Variants in CNTN5 observed in about 807,000 individuals in gnomAD.
CNTN5 encodes contactin-5.
Under a neutral mutation model 129.1 loss-of-function variants are expected in CNTN5, and 77 were observed. The ratio of observed to expected loss-of-function variants is 0.60; its 90% CI spans 0.50 to 0.72. The LOEUF is 0.72. Ranked by LOEUF, CNTN5 falls within the 30% of genes least tolerant of loss-of-function variation. The pLI is 0.00. For synonymous variants in CNTN5, 509 were observed against 465.6 expected (o/e 1.09, Z -1.20); for missense variants, 1,478 against 1,328.8 (o/e 1.11, Z -1.75).
intron 1 of CNTN5, among the ~76,000 whole-genome samples, chr11:99,037,685 A>G (rs115301278): frequency 0.018 from 2,696 of 148,860 alleles, 75 homozygotes; most frequent in African/African-American, 0.062. Context: ...GGTTCAAGCA[A>G]TTCTCTGCCT....
intron 2 of CNTN5, among the ~76,000 whole-genome samples, chr11:99,369,545 A>G (rs920907848): frequency 1.3e-5 from 2 of 151,922 alleles, no homozygotes; most frequent in African/African-American, 2.4e-5. Flanking sequence ...ACTCTCAATG[A>G]ATATGTATTT....
intron 1 of CNTN5, among the ~76,000 whole-genome samples, chr11:99,088,747 G>C (rs998720248): frequency 4.6e-5 from 7 of 152,132 alleles, no homozygotes; most frequent in Non-Finnish European, 1.0e-4. Context: ...AGAAATCACT[G>C]CATGTCAAGG....
Position 99,956,980 on chromosome 11 carries a change from C to G in CNTN5, c.848C>G (p.Pro283Arg), listed in dbSNP as rs529063149. Reference sequence around the variant, plus strand: ...GTGACGAATGCTAGAGTCCTTAGTCCTCCAACGCCACTCACTCTGCGTAAT... The same window carrying G: ...GTGACGAATGCTAGAGTCCTTAGTCGTCCAACGCCACTCACTCTGCGTAAT... ...NTVTNARVLS[P>R]PTPLTLRNDG... The change falls in exon 8 of 25, where the codon CCT becomes CGT. Residue 283 changes from proline to arginine, a missense_variant. By Grantham distance (103) the Pro-to-Arg change is moderately radical. Transcript: ENST00000524871. 1 of 1,613,768 alleles carries G rather than the reference C, an allele frequency of 6.2e-7. No individual in the cohort carries two copies. The highest frequency in any genetic ancestry group is 2.2e-5 in the East Asian group (1 of 44,864).
intron 18 of CNTN5, among the ~76,000 whole-genome samples, chr11:100,285,779 C>G (rs965477632): frequency 6.6e-6 from 1 of 152,212 alleles, no homozygotes; most frequent in South Asian, 2.1e-4. Context: ...GGAACAGCTC[C>G]GGTCTACAGC....
At chr11:99,098,445 C>T (rs925726000) in intron 1 of CNTN5, among the ~76,000 whole-genome samples, 3 of 151,990 alleles carry the variant, frequency 2.0e-5, no homozygotes, top group Non-Finnish European at 4.4e-5. Context: ...TAGACCACAA[C>T]ACTAGTGGCT....
intron 2 of CNTN5, among the ~76,000 whole-genome samples, chr11:99,395,819 T>C (rs1941492992): frequency 6.6e-6 from 1 of 152,004 alleles, no homozygotes; most frequent in South Asian, 2.1e-4. Flanking sequence ...CCATTGCTTG[T>C]TTTTGTCAGC....
intron 4 of CNTN5, among the ~76,000 whole-genome samples, chr11:99,841,441 T>A (rs1947487298): frequency 6.6e-6 from 1 of 151,878 alleles, no homozygotes. Context: ...TTTGCAGGAG[T>A]CTCCTCTAAG....
intron 18 of CNTN5, 57 bp downstream of exon 18, chr11:100,271,298 G>T: frequency 7.4e-7 from 1 of 1,344,332 alleles, no homozygotes; most frequent in East Asian, 2.5e-5. Context: ...TCTTGAAAGT[G>T]AGTTGAATTA....
chr11:99,753,118 G>GTTTTTT (rs1591097312), intron 3 of CNTN5, among the ~76,000 whole-genome samples: 14 of 84,788 alleles, frequency 1.7e-4, no homozygotes, highest in South Asian at 1.1e-3. Flanking sequence ...AGCCATATTT[G>GTTTTTT]CTTTTTTTTT....
chr11:99,502,704 G>A (rs1281735852), intron 2 of CNTN5, among the ~76,000 whole-genome samples: 2 of 152,106 alleles, frequency 1.3e-5, no homozygotes, highest in Non-Finnish European at 2.9e-5. Flanking sequence ...CACCCCAACA[G>A]TAACTTATTT....
At chr11:100,097,404 G>A (rs1945044342) in intron 13 of CNTN5, among the ~76,000 whole-genome samples, 1 of 151,916 alleles carries the variant, frequency 6.6e-6, no homozygotes, top group South Asian at 2.1e-4. Flanking sequence ...TTTTCCACAA[G>A]AATAAAAGAG....
At chr11:99,724,468 C>G (rs528356391) in intron 3 of CNTN5, among the ~76,000 whole-genome samples, 3 of 152,148 alleles carry the variant, frequency 2.0e-5, no homozygotes, top group Non-Finnish European at 4.4e-5. Context: ...TTATAACAGT[C>G]TTGGAGTGCT....
chr11:99,726,933 T>A (rs1216107133), intron 3 of CNTN5, among the ~76,000 whole-genome samples: 6 of 152,052 alleles, frequency 3.9e-5, no homozygotes, highest in African/African-American at 1.2e-4. Context: ...TTGAAAAAAA[T>A]TTACATAAAA....
chr11:99,801,967 C>T (rs1413433001), intron 3 of CNTN5, among the ~76,000 whole-genome samples: 2 of 152,158 alleles, frequency 1.3e-5, no homozygotes, highest in Non-Finnish European at 2.9e-5. Flanking sequence ...TGCCAGAATT[C>T]TGGAGCTGAT....
In CNTN5 at chr11:99,997,854, C is replaced by T. The variant is rs368794936; in HGVS notation, c.878-4180C>T. 2.7e-3 allele frequency among the ~76,000 whole-genome samples: 409 copies of T among 152,208 alleles called. 2 individuals carry two copies. The highest frequency in any genetic ancestry group is 6.5e-3 in the African/African-American group (269 of 41,522). Reference sequence around the variant, plus strand: ...TGGGATGCAAGGCTGATTCAATATACGCATATCAATAAATGTAATCCAGCA... The same window carrying T: ...TGGGATGCAAGGCTGATTCAATATATGCATATCAATAAATGTAATCCAGCA... On this transcript the variant is annotated intron_variant, in intron 8 of 24. Transcript: ENST00000524871.
intron 7 of CNTN5, among the ~76,000 whole-genome samples, chr11:99,940,963 A>G (rs1171028160): frequency 6.6e-6 from 1 of 152,138 alleles, no homozygotes; most frequent in Non-Finnish European, 1.5e-5. Context: ...GTTTTGTATT[A>G]AGAAATATTC....
At chr11:100,278,256 T>G (rs1950558759) in intron 18 of CNTN5, among the ~76,000 whole-genome samples, 1 of 152,044 alleles carries the variant, frequency 6.6e-6, no homozygotes, top group African/African-American at 2.4e-5. Flanking sequence ...ATTCCACCAG[T>G]TTTGTTCTTT....
intron 2 of CNTN5, among the ~76,000 whole-genome samples, chr11:99,375,302 CAAAAAA>C (rs397848951): frequency 1.5e-4 from 8 of 53,570 alleles, no homozygotes; most frequent in African/African-American, 4.4e-4. Flanking sequence ...GAGTCTGTCT[CAAAAAA>C]AAAAAAAAAA....
intron 17 of CNTN5, among the ~76,000 whole-genome samples, chr11:100,264,520 T>C (rs1226401129): frequency 6.6e-6 from 1 of 152,184 alleles, no homozygotes; most frequent in East Asian, 1.9e-4. Flanking sequence ...TCGAGGATGA[T>C]GGCTTCCAGT....
Sources: gnomAD v4.1 joint callset for allele counts (sites outside exome capture counted in the v4.1 genomes callset) on GRCh38, gnomAD v4.1.1 for gene constraint, MANE v1.5 for transcripts, NCBI Gene and HGNC (gene_info 2026-07-23, HGNC 2026-07-21) for gene names.